The following MTHFD1L variants were observed in gnomAD, a reference collection of about 807,000 sequenced individuals.
MTHFD1L encodes methylenetetrahydrofolate dehydrogenase (NADP+ dependent) 1 like.
MTHFD1L carries 81 observed loss-of-function variants against 119.5 expected under a neutral mutation model. The ratio of observed to expected loss-of-function variants is 0.68; its 90% CI spans 0.57 to 0.82. MTHFD1L has a LOEUF of 0.82. MTHFD1L is among the 40% of genes least tolerant of loss of function. MTHFD1L has a pLI of 0.00. For synonymous variants in MTHFD1L, 430 were observed against 475.2 expected (o/e 0.90, Z 1.24); for missense variants, 1,125 against 1,253.4 (o/e 0.90, Z 1.55).
chr6:150,941,688 A>G (rs922664341), intron 13 of MTHFD1L, among the ~76,000 whole-genome samples: 1 of 152,152 alleles, frequency 6.6e-6, no homozygotes, highest in Non-Finnish European at 1.5e-5. Flanking sequence ...GGCTTGAGCA[A>G]CTCAGTAGAC....
At chr6:150,956,196 T>G (rs1235460177) in intron 17 of MTHFD1L, 125 bp downstream of exon 17, 14 of 910,150 alleles carry the variant, frequency 1.5e-5, no homozygotes, top group Non-Finnish European at 2.3e-5. Context: ...CTCTCACTGT[T>G]TTGGGTGCTC....
chr6:150,909,366 T>C (rs1228355705), intron 8 of MTHFD1L, among the ~76,000 whole-genome samples: 1 of 151,826 alleles, frequency 6.6e-6, no homozygotes, highest in African/African-American at 2.4e-5. Context: ...AGCCTCAAAC[T>C]CCTGGGCTCC....
chr6:150,983,811 C>G (rs558750083), intron 20 of MTHFD1L, among the ~76,000 whole-genome samples: 1 of 152,134 alleles, frequency 6.6e-6, no homozygotes, highest in African/African-American at 2.4e-5. Flanking sequence ...TTTTTTGAGA[C>G]AGAGTCTCGT....
intron 11 of MTHFD1L, 39 bp from the exon 12 acceptor site, chr6:150,936,765 G>C: frequency 1.9e-6 from 3 of 1,598,150 alleles, no homozygotes; most frequent in Non-Finnish European, 2.6e-6. Flanking sequence ...AGGTTGTCTG[G>C]GAAATATTAT....
intron 24 of MTHFD1L, chr6:151,022,179 T>C: frequency 1.6e-5 from 6 of 381,702 alleles, no homozygotes; most frequent in South Asian, 1.2e-4. Context: ...GCTGGTCTTT[T>C]TTAAGGCAGG....
intron 7 of MTHFD1L, among the ~76,000 whole-genome samples, chr6:150,898,244 G>C (rs1411739131): frequency 1.3e-5 from 2 of 152,114 alleles, no homozygotes; most frequent in Non-Finnish European, 2.9e-5. Context: ...TTTCATATAT[G>C]CCTCGCACTC....
chr6:151,091,174 A>G (rs929453510), intron 26 of MTHFD1L, among the ~76,000 whole-genome samples: 4 of 148,964 alleles, frequency 2.7e-5, no homozygotes, highest in Admixed American at 2.0e-4. Context: ...GCATCGTTCC[A>G]TGCGACTGGG....
Position 150,988,117 on chromosome 6 carries a change from T to C in MTHFD1L, c.2125+16059T>C, listed in dbSNP as rs551344742. ...CATAAAATGTGGAGTTAAAATAAGA[T>C]CCTTGTCAAAACATTGTCATGCAGA... On this transcript the variant is annotated intron_variant, in intron 20 of 27. Coordinates refer to ENST00000367321, the MANE Select transcript of MTHFD1L (RefSeq NM_015440.5). 5.3e-5 allele frequency among the ~76,000 whole-genome samples: 8 copies of C among 152,304 alleles called. 1 individual carries two copies. In the East Asian group the frequency reaches 1.5e-3, roughly 29 times the overall value.
chr6:151,046,574 G>T (rs761952485), intron 26 of MTHFD1L, among the ~76,000 whole-genome samples: 4 of 140,732 alleles, frequency 2.8e-5, no homozygotes, highest in Non-Finnish European at 6.1e-5. Context: ...CCCATTTTTC[G>T]TATGGATTCA....
intron 7 of MTHFD1L, among the ~76,000 whole-genome samples, chr6:150,890,795 C>T (rs566200028): frequency 4.6e-5 from 7 of 152,180 alleles, no homozygotes; most frequent in South Asian, 2.1e-4. Flanking sequence ...GCCAAGCAGG[C>T]GACTTGAAAA....
intron 26 of MTHFD1L, among the ~76,000 whole-genome samples, chr6:151,077,680 TAAAAGAA>T (rs896728180): frequency 2.8e-5 from 4 of 141,722 alleles, no homozygotes; most frequent in Non-Finnish European, 4.7e-5. Flanking sequence ...AACTGTGTCT[TAAAAGAA>T]AAAAATAAAT....
chr6:151,096,969 T>C (rs1794940567), intron 27 of MTHFD1L, among the ~76,000 whole-genome samples: 1 of 152,246 alleles, frequency 6.6e-6, no homozygotes, highest in African/African-American at 2.4e-5. Context: ...TTCTTTTGGA[T>C]GTCACTAAAT....
intron 24 of MTHFD1L, among the ~76,000 whole-genome samples, chr6:151,032,141 CTATT>C (rs1354187787): frequency 1.3e-5 from 2 of 152,212 alleles, no homozygotes; most frequent in Non-Finnish European, 2.9e-5. Context: ...AGTTATCTGA[CTATT>C]TATGCCATTA....
At chr6:151,084,825 G>C (rs946488203) in intron 26 of MTHFD1L, among the ~76,000 whole-genome samples, 5 of 151,468 alleles carry the variant, frequency 3.3e-5, no homozygotes, top group African/African-American at 1.2e-4. Context: ...AAATTAGCCA[G>C]GCGTGGTGGC....
At chr6:150,918,976 C>A (rs1336117270) in intron 9 of MTHFD1L, among the ~76,000 whole-genome samples, 1 of 151,868 alleles carries the variant, frequency 6.6e-6, no homozygotes, top group Admixed American at 6.6e-5. Context: ...TTCTTCAAGT[C>A]AGAGATTTGG....
At chr6:151,021,084 T>G (rs1463452692) in intron 24 of MTHFD1L, among the ~76,000 whole-genome samples, 1 of 152,130 alleles carries the variant, frequency 6.6e-6, no homozygotes, top group Admixed American at 6.5e-5. Flanking sequence ...CAAATTAAGT[T>G]TAAACCTTGA....
At chr6:150,980,161 G>C (rs1777238308) in intron 20 of MTHFD1L, among the ~76,000 whole-genome samples, 1 of 152,170 alleles carries the variant, frequency 6.6e-6, no homozygotes, top group African/African-American at 2.4e-5. Flanking sequence ...AGGTTGAGAA[G>C]TGCTGGCTTA....
chr6:150,925,721 C>G (rs565200223), intron 10 of MTHFD1L, among the ~76,000 whole-genome samples: 1 of 151,934 alleles, frequency 6.6e-6, no homozygotes, highest in East Asian at 1.9e-4. Context: ...ATGTGGCCAG[C>G]CCGATCGGAG....
chr6:151,036,835 A>G, intron 25 of MTHFD1L, 130 bp from the exon 26 acceptor site: 1 of 873,410 alleles, frequency 1.1e-6, no homozygotes, highest in East Asian at 2.6e-5. Flanking sequence ...AAGTAGTAAC[A>G]AGCAGCTCCT....
Sources: gnomAD v4.1 joint callset for allele counts (sites outside exome capture counted in the v4.1 genomes callset) on GRCh38, gnomAD v4.1.1 for gene constraint, MANE v1.5 for transcripts, NCBI Gene and HGNC (gene_info 2026-07-23, HGNC 2026-07-21) for gene names.